Variants in SLC44A2 observed in about 807,000 individuals in gnomAD.
The protein encoded by SLC44A2 is solute carrier family 44 member 2 (CTL2 blood group).
In SLC44A2, 57 loss-of-function variants were observed where a neutral mutation model predicts 90.8. That is an observed-to-expected ratio of 0.63 (90% CI 0.51 to 0.78). The LOEUF is 0.78. Among genes scored for constraint, SLC44A2 ranks in the 30% least tolerant of loss-of-function variants. The pLI, the probability that SLC44A2 is intolerant of heterozygous loss-of-function variation, is 0.00. For synonymous variants in SLC44A2, 355 were observed against 360.7 expected, an observed-to-expected ratio of 0.98 and a Z score of 0.18; for missense variants, 794 against 919.7, an observed-to-expected ratio of 0.86 and a Z score of 1.77.
At position 10,604,491 on chromosome 19, in the gene SLC44A2, T is replaced by C. The variant is rs567879384; in HGVS notation, c.31+1930T>C. On this transcript the variant is annotated intron_variant, in intron 1 of 21. Transcript: ENST00000407327. The stretch of plus-strand genomic sequence containing the variant: ...ACTGGCCCATGACGTCCCTGATAGA[T>C]GAAGGGAGCTTTCCCCTGGGGATGG... 8.3e-4 allele frequency among the ~76,000 whole-genome samples: 126 copies of C among 152,268 alleles called. 1 individual carries two copies. Among genetic ancestry groups the C allele is most frequent in the Admixed American group, 7.2e-4 (11 of 15,268 alleles).
upstream of SLC44A2, among the ~76,000 whole-genome samples, chr19:10,622,428 G>A (rs148041709): frequency 1.3e-5 from 2 of 152,250 alleles, no homozygotes; most frequent in Non-Finnish European, 2.9e-5. Context: ...GATAGAAAGT[G>A]TCTGTGTTGG....
chr19:10,606,865 A>ATGTG (rs1568440965), intron 1 of SLC44A2, among the ~76,000 whole-genome samples: 1 of 143,692 alleles, frequency 7.0e-6, no homozygotes. Context: ...ATACACATAT[A>ATGTG]TATGTATGTA....
intron 1 of SLC44A2, among the ~76,000 whole-genome samples, chr19:10,614,555 C>T (rs954286489): frequency 2.6e-5 from 4 of 152,204 alleles, no homozygotes; most frequent in African/African-American, 9.6e-5. Flanking sequence ...CATATAAGTC[C>T]CCCAAAACTT....
upstream of SLC44A2, chr19:10,625,525 G>A: frequency 8.1e-7 from 1 of 1,227,294 alleles, no homozygotes; most frequent in Admixed American, 4.3e-5. Flanking sequence ...GCGCTGTGCT[G>A]GGAGGAGCCG....
chr19:10,634,219 ACCTCGTGATCCACCCGTCTTGGCCTCCC>A (rs2067028357), intron 10 of SLC44A2, among the ~76,000 whole-genome samples: 1 of 131,670 alleles, frequency 7.6e-6, no homozygotes, highest in Non-Finnish European at 1.6e-5. Flanking sequence ...CGAACTCCTG[ACCTCGTGATCCACCCGTCTTGGCCTCCC>A]AAAGTGCTGG....
chr19:10,642,468 C>T lies in SLC44A2; in HGVS notation c.2014+17C>T. On this transcript the variant is annotated intron_variant, in intron 21 of 21. Coordinates refer to ENST00000335757, the MANE Select transcript of SLC44A2 (RefSeq NM_020428.4). ...TCTGCTTCTGTGAGTGACCCCTCAC[C>T]CCAAACCTTGCTGGGCCCCGAATCC... 6.2e-7 allele frequency: 1 copy of T among 1,611,148 alleles called. No individual in the cohort carries two copies. Among genetic ancestry groups the T allele is most frequent in the Non-Finnish European group, 8.5e-7 (1 of 1,177,366 alleles).
intron 1 of SLC44A2, among the ~76,000 whole-genome samples, chr19:10,607,966 C>G (rs1428825862): frequency 7.0e-6 from 1 of 143,462 alleles, no homozygotes; most frequent in African/African-American, 2.5e-5. Flanking sequence ...ACCGTGGTCT[C>G]GATCTCCTGA....
At chr19:10,640,716 G>A (rs1202845578) in intron 20 of SLC44A2, among the ~76,000 whole-genome samples, 2 of 152,162 alleles carry the variant, frequency 1.3e-5, no homozygotes, top group Non-Finnish European at 2.9e-5. Context: ...CATTAAACCT[G>A]AAAGCCCTAA....
In SLC44A2 at chr19:10,628,960, G is replaced by T. The variant is rs1326270400; in HGVS notation, c.245+956G>T. ...TCGCTGGGCGTGGTGGCTCACACCT[G>T]TAATCCCAGCACACTTTGGGAGGCT... On this transcript the variant is annotated intron_variant, in intron 4 of 21. Coordinates refer to ENST00000335757, the MANE Select transcript of SLC44A2 (RefSeq NM_020428.4). Among the ~76,000 whole-genome samples the T allele has an allele frequency of 2.0e-5, 3 of 151,848 alleles. No homozygotes were observed. In the East Asian group the frequency reaches 5.9e-4, roughly 30 times the overall value.
At chr19:10,623,981 AC>A (rs2066910406), upstream of SLC44A2, among the ~76,000 whole-genome samples, 2 of 148,310 alleles carry the variant, frequency 1.3e-5, no homozygotes, top group Admixed American at 6.8e-5. Flanking sequence ...GAACCACCAC[AC>A]CCGGCTAATT....
chr19:10,638,370 G>T lies in SLC44A2; in HGVS notation c.1929+55G>T, dbSNP rs376466409. On this transcript the variant is annotated intron_variant, in intron 20 of 21. Coordinates refer to ENST00000335757, the MANE Select transcript of SLC44A2 (RefSeq NM_020428.4). The stretch of plus-strand genomic sequence containing the variant: ...TGGGAAGAAAGAGGTGTTGGGATTT[G>T]CTTGGTCTTCTTTGACTAGATAAAT... The T allele has an allele frequency of 7.2e-6, 11 of 1,529,692 alleles. No homozygotes were observed. In the African/African-American group the frequency reaches 1.5e-4, roughly 21 times the overall value. 94.8% of individuals were successfully genotyped at this position (1,529,692 alleles called of 1,614,324 possible). A position where few individuals can be genotyped will look rare whatever the true frequency, so the allele number is the denominator to read the frequency against.
At chr19:10,623,077 C>T (rs1215982922), upstream of SLC44A2, among the ~76,000 whole-genome samples, 5 of 152,114 alleles carry the variant, frequency 3.3e-5, no homozygotes, top group Admixed American at 3.3e-4. Flanking sequence ...GTCCCCAGGG[C>T]ACCCTGTGTA....
chr19:10,620,824 A>G (rs1310354632), upstream of SLC44A2, among the ~76,000 whole-genome samples: 1 of 151,972 alleles, frequency 6.6e-6, no homozygotes, highest in Non-Finnish European at 1.5e-5. Context: ...GAGCCCATTG[A>G]GCACAGGAGT....
chr19:10,622,881 G>A (rs1160016269), upstream of SLC44A2, among the ~76,000 whole-genome samples: 78 of 152,126 alleles, frequency 5.1e-4, 1 homozygote, highest in African/African-American at 1.2e-4. Flanking sequence ...CAGCCTGGGC[G>A]ACAGAGTGAG....
At chr19:10,614,939 C>G (rs1411563809) in intron 1 of SLC44A2, among the ~76,000 whole-genome samples, 1 of 144,922 alleles carries the variant, frequency 6.9e-6, no homozygotes, top group Non-Finnish European at 1.5e-5. Flanking sequence ...CCACTGCACT[C>G]CAGCCTGGGT....
Position 10,625,671 on chromosome 19 carries a change from G to C in SLC44A2, c.37+1G>C. Reference sequence around the variant, plus strand: ...CGGCCCCACTACTACGGGAAACACGGTAGGCAGCGACCCCCGCCCGTAGCC... The same window carrying C: ...CGGCCCCACTACTACGGGAAACACGCTAGGCAGCGACCCCCGCCCGTAGCC... On this transcript the variant is annotated splice_donor_variant, in intron 1 of 21. Coordinates refer to ENST00000335757, the MANE Select transcript of SLC44A2 (RefSeq NM_020428.4). LOFTEE classifies it high-confidence loss of function. The C allele has an allele frequency of 3.2e-6, 4 of 1,250,422 alleles. No homozygotes were observed. The highest frequency in any genetic ancestry group is 4.0e-6 in the Non-Finnish European group (4 of 991,616). The allele number at this position is 1,250,422 out of a possible 1,614,324, so 77.5% of individuals were successfully genotyped here.
chr19:10,628,720 C>T lies in SLC44A2; in HGVS notation c.245+716C>T, dbSNP rs557221077. 2.5e-4 allele frequency among the ~76,000 whole-genome samples: 38 copies of T among 152,208 alleles called. 1 individual carries two copies. The East Asian group carries it at 6.4e-3, about 26-fold the overall frequency. Reference sequence around the variant, plus strand: ...ACTGAGAGGGGACAGTCCTGGATTACGCGTCAGGTGGTGATGAACAGGTGA... The same window carrying T: ...ACTGAGAGGGGACAGTCCTGGATTATGCGTCAGGTGGTGATGAACAGGTGA... On this transcript the variant is annotated intron_variant, in intron 4 of 21. Coordinates refer to ENST00000335757, the MANE Select transcript of SLC44A2 (RefSeq NM_020428.4).
intron 20 of SLC44A2, 97 bp downstream of exon 20, chr19:10,638,412 G>T: frequency 8.9e-7 from 1 of 1,127,910 alleles, no homozygotes; most frequent in Non-Finnish European, 1.3e-6. Flanking sequence ...AGAGGTCAGA[G>T]GTGGGGAATT....
At position 10,604,927 on chromosome 19, in the gene SLC44A2, T is replaced by C. The variant is rs1031097881; in HGVS notation, c.31+2366T>C. 2.0e-5 allele frequency among the ~76,000 whole-genome samples: 3 copies of C among 152,092 alleles called. No individual in the cohort carries two copies. The East Asian group carries it at 5.8e-4, about 29-fold the overall frequency. ...GTTCCAAGGGAAATGGGGAAATGGC[T>C]CTGGGCCCCGGCGGATGTCAGCAAT... On this transcript the variant is annotated intron_variant, in intron 1 of 21. Transcript: ENST00000407327.
Sources: allele counts gnomAD v4.1 joint callset (sites outside exome capture counted in the v4.1 genomes callset), GRCh38; gene constraint gnomAD v4.1.1; transcripts MANE v1.5; gene names NCBI Gene and HGNC (gene_info 2026-07-23, HGNC 2026-07-21).